Variants in STAG2 observed in about 807,000 individuals in gnomAD.
STAG2 encodes the protein STAG2 cohesin complex component.
Under a neutral mutation model 108.1 loss-of-function variants are expected in STAG2, and 14 were observed. The observed-to-expected ratio is 0.13, with a 90% CI of 0.09 to 0.20. The LOEUF (loss-of-function observed/expected upper bound fraction) is 0.20, where lower values mean the gene tolerates loss of function less well. Among genes scored for constraint, STAG2 ranks in the 10% least tolerant of loss-of-function variants. The pLI is 1.00. For synonymous variants in STAG2, 307 were observed against 302.7 expected (o/e 1.01, Z -0.15); for missense variants, 440 against 940.9 (o/e 0.47, Z 6.96).
chrX:124,095,661 G>T (rs1010553853), intron 34 of STAG2, among the ~76,000 whole-genome samples: 6 of 111,197 alleles, frequency 5.4e-5, no homozygotes, highest in Admixed American at 9.6e-5. Context: ...AATCCTGGCT[G>T]ACTGGGACTT....
intron 1 of STAG2, among the ~76,000 whole-genome samples, chrX:124,017,018 C>A (rs1398190705): frequency 2.7e-5 from 3 of 110,440 alleles, no homozygotes; most frequent in African/African-American, 6.6e-5. Context: ...TGTGAATTTG[C>A]CAGCTTTTAG....
At chrX:124,056,682 G>A (rs1189090140) in intron 14 of STAG2, among the ~76,000 whole-genome samples, 2 of 92,417 alleles carry the variant, frequency 2.2e-5, no homozygotes, top group African/African-American at 4.1e-5. Context: ...GCACTGAGCC[G>A]AGATTGGGCC....
At chrX:124,023,855 A>G (rs12846423) in intron 3 of STAG2, among the ~76,000 whole-genome samples, 3,723 of 111,605 alleles carry the variant, frequency 0.033, 61 homozygotes, top group Non-Finnish European at 0.048. Flanking sequence ...TTCGGGTGGA[A>G]CAGGCCCAGC....
intron 1 of STAG2, among the ~76,000 whole-genome samples, chrX:123,972,096 A>G (rs761944982): frequency 9.0e-6 from 1 of 111,534 alleles, no homozygotes; most frequent in South Asian, 3.7e-4. Context: ...GGAAACAACT[A>G]TATTGTAAAC....
chrX:124,096,373 G>C (rs758424858), intron 34 of STAG2, among the ~76,000 whole-genome samples: 35 of 111,266 alleles, frequency 3.1e-4, no homozygotes, highest in African/African-American at 1.1e-3. Flanking sequence ...CTTTGTATAA[G>C]CTTTTTTCTG....
At chrX:124,071,674 G>A (rs1211635802) in intron 25 of STAG2, among the ~76,000 whole-genome samples, 3 of 111,750 alleles carry the variant, frequency 2.7e-5, no homozygotes, top group South Asian at 3.7e-4. Flanking sequence ...TTATTCATTG[G>A]TAATACCAAT....
Position 124,066,157 on chromosome X carries a change from T to A in STAG2, c.2097-18T>A. The A allele has an allele frequency of 1.0e-6, 1 of 994,828 alleles. No individual in the cohort carries two copies. The highest frequency in any genetic ancestry group is 3.6e-5 in the East Asian group (1 of 28,013). 82.0% of individuals were successfully genotyped at this position (994,828 alleles called of 1,213,427 possible). Reference sequence around the variant, plus strand: ...AATAAAACTTAATTTTTTTTTTTTTTTTTTTTTTTTTTTACAGTGCCCATG... The same window carrying A: ...AATAAAACTTAATTTTTTTTTTTTTATTTTTTTTTTTTTACAGTGCCCATG... On this transcript the variant is annotated intron_variant, in intron 21 of 34. Transcript: ENST00000371145.
At chrX:124,034,610 T>A (rs2148093402) in intron 5 of STAG2, among the ~76,000 whole-genome samples, 1 of 111,570 alleles carries the variant, frequency 9.0e-6, no homozygotes, top group Non-Finnish European at 1.9e-5. Flanking sequence ...TTTTTCTTGT[T>A]GTTTGCAATA....
chrX:124,059,055 G>A (rs1293363112), intron 15 of STAG2, among the ~76,000 whole-genome samples: 1 of 111,336 alleles, frequency 9.0e-6, no homozygotes, highest in Admixed American at 9.5e-5. Context: ...GGTGGCTGAC[G>A]CCTGTACTCT....
intron 1 of STAG2, chrX:124,003,616 G>T (rs1168710503): frequency 2.7e-5 from 3 of 109,695 alleles, no homozygotes; most frequent in Non-Finnish European, 5.7e-5. Flanking sequence ...TAGAAATGGG[G>T]TTTCACCATG....
intron 3 of STAG2, among the ~76,000 whole-genome samples, chrX:124,024,639 A>G (rs937910688): frequency 1.8e-5 from 2 of 111,555 alleles, no homozygotes; most frequent in Admixed American, 1.9e-4. Context: ...TCCTGCTAGC[A>G]TCTTAATCAT....
intron 34 of STAG2, among the ~76,000 whole-genome samples, chrX:124,100,152 T>G (rs2059477978): frequency 8.9e-6 from 1 of 111,758 alleles, no homozygotes; most frequent in Non-Finnish European, 1.9e-5. Flanking sequence ...AAAAACCATA[T>G]CCACTTCCCA....
chrX:124,081,665 T>G, intron 28 of STAG2, 137 bp downstream of exon 28: 1 of 487,668 alleles, frequency 2.1e-6, no homozygotes, highest in Non-Finnish European at 3.1e-6. Flanking sequence ...CCCTATCTCC[T>G]TTCTTAATTT....
At chrX:123,971,019 C>T (rs1023202758) in intron 1 of STAG2, among the ~76,000 whole-genome samples, 2 of 111,819 alleles carry the variant, frequency 1.8e-5, no homozygotes, top group African/African-American at 6.5e-5. Flanking sequence ...GAAACTAGGA[C>T]TGTTTGAGAG....
intron 23 of STAG2, among the ~76,000 whole-genome samples, chrX:124,066,769 T>C (rs1458266901): frequency 9.2e-6 from 1 of 108,726 alleles, no homozygotes; most frequent in Non-Finnish European, 1.9e-5. Flanking sequence ...CTAGATCTTC[T>C]TATGCTCTGG....
intron 26 of STAG2, among the ~76,000 whole-genome samples, chrX:124,076,930 A>G (rs2058815733): frequency 9.0e-6 from 1 of 110,574 alleles, no homozygotes. Flanking sequence ...TTGGTTCTCA[A>G]AGTCTGATTT....
chrX:124,100,883 T>A lies in STAG2; in HGVS notation c.*286T>A, dbSNP rs748121246. 1.2e-3 allele frequency: 203 copies of A among 167,651 alleles called. No homozygotes were observed. Among genetic ancestry groups the A allele is most frequent in the East Asian group, 1.7e-3 (19 of 11,027 alleles). 13.8% of individuals were successfully genotyped at this position (167,651 alleles called of 1,213,427 possible). ...GAATCGATTATTTCATGCTTTTTTT[T>A]AAAAAAAAAAAAAAACAAAATAACA... is the stretch of plus-strand genomic sequence containing the variant. On this transcript the variant is annotated 3_prime_UTR_variant, in exon 35 of 35. Coordinates refer to ENST00000371145, the MANE Select transcript of STAG2 (RefSeq NM_001042750.2).
chrX:124,013,255 A>G (rs888383698), intron 1 of STAG2, among the ~76,000 whole-genome samples: 2 of 111,115 alleles, frequency 1.8e-5, no homozygotes, highest in Non-Finnish European at 3.8e-5. Flanking sequence ...ACAAATTGAC[A>G]TCACAAGTTA....
intron 10 of STAG2, among the ~76,000 whole-genome samples, chrX:124,049,376 AGCC>A (rs1160974474): frequency 5.9e-4 from 66 of 111,961 alleles, no homozygotes; most frequent in Non-Finnish European, 9.8e-4. Flanking sequence ...ATGTTAGTAG[AGCC>A]TGCACGTGCT....
Sources: allele counts gnomAD v4.1 joint callset (sites outside exome capture counted in the v4.1 genomes callset), GRCh38; gene constraint gnomAD v4.1.1; transcripts MANE v1.5; gene names NCBI Gene and HGNC (gene_info 2026-07-23, HGNC 2026-07-21).